EP300: variants seen among roughly 807,000 people sequenced by gnomAD.
EP300 encodes the protein EP300 lysine acetyltransferase.
EP300 carries 31 observed loss-of-function variants against 264.0 expected under a neutral mutation model. The observed-to-expected ratio is 0.12, with a 90% confidence interval of 0.09 to 0.16. The LOEUF is 0.16. Among genes scored for constraint, EP300 ranks in the 10% least tolerant of loss-of-function variants. The pLI, the probability that EP300 is intolerant of heterozygous loss-of-function variation, is 1.00. For synonymous variants in EP300, 1,340 were observed against 1,045.4 expected, an observed-to-expected ratio of 1.28 and a Z score of -5.44; for missense variants, 2,766 against 3,052.9, an observed-to-expected ratio of 0.91 and a Z score of 2.21.
chr22:41,114,402 G>T (rs1453006403), intron 1 of EP300, among the ~76,000 whole-genome samples: 1 of 152,122 alleles, frequency 6.6e-6, no homozygotes, highest in African/African-American at 2.4e-5. Context: ...AGGCTGGTCT[G>T]CTGAGCTCGA....
rs2059209629 is a variant in EP300 at position 41,177,655 on chromosome 22, C to T, written c.5944C>T (p.Pro1982Ser). ...CAGAGGTCCCAGTGGGCATTTGGAGCCAGGGATGGGACCGACAGGGATGCA... is the reference window on the plus strand; with the variant it reads ...CAGAGGTCCCAGTGGGCATTTGGAGTCAGGGATGGGACCGACAGGGATGCA... ...MTRGPSGHLE[P>S]GMGPTGMQQQ... Residue 1982 changes from proline to serine, a missense_variant, in exon 31 of 31, where the codon CCA becomes TCA. By Grantham distance (74) the Pro-to-Ser change is moderately conservative (BLOSUM62 -1). Transcript: ENST00000263253. 1 of 1,613,998 alleles carries T rather than the reference C, an allele frequency of 6.2e-7. No individual in the cohort carries two copies. The highest frequency in any genetic ancestry group is 2.2e-5 in the East Asian group (1 of 44,858).
At chr22:41,162,309 T>G (rs1467764955) in intron 20 of EP300, among the ~76,000 whole-genome samples, 15 of 152,214 alleles carry the variant, frequency 9.9e-5, no homozygotes, top group Non-Finnish European at 2.1e-4. Context: ...CCCCTAATGT[T>G]GATTCTAGTT....
chr22:41,162,851 C>T (rs1165264122), intron 21 of EP300, 72 bp downstream of exon 21: 1 of 1,245,344 alleles, frequency 8.0e-7, no homozygotes, highest in Non-Finnish European at 1.2e-6. Flanking sequence ...TTGAAGTTTG[C>T]ATGACCAATC....
intron 1 of EP300, among the ~76,000 whole-genome samples, chr22:41,099,433 A>G (rs1387845684): frequency 6.6e-6 from 1 of 152,222 alleles, no homozygotes; most frequent in Non-Finnish European, 1.5e-5. Flanking sequence ...AGTAGTGAAT[A>G]TAATTGTCAT....
intron 1 of EP300, among the ~76,000 whole-genome samples, chr22:41,108,909 G>C (rs2058773116): frequency 6.6e-6 from 1 of 152,168 alleles, no homozygotes; most frequent in South Asian, 2.1e-4. Context: ...AGATTTATAA[G>C]TTTTTAATTA....
At chr22:41,142,735 A>G (rs1409067055) in intron 10 of EP300, among the ~76,000 whole-genome samples, 1 of 152,054 alleles carries the variant, frequency 6.6e-6, no homozygotes, top group Non-Finnish European at 1.5e-5. Context: ...AATACAAAAC[A>G]ATTAGCCGGG....
At position 41,178,805 on chromosome 22, in the gene EP300, C is replaced by T. The variant is rs1288457396; in HGVS notation, c.7094C>T (p.Ala2365Val). The change falls in exon 31 of 31, where the codon GCC becomes GTC. Residue 2365 changes from alanine (A) to valine (V), a missense_variant. By Grantham distance (64) the Ala-to-Val change is moderately conservative (BLOSUM62 0). Coordinates refer to ENST00000263253, the MANE Select transcript of EP300 (RefSeq NM_001429.4). ...QANPMEQGHF[A>V]SPDQNSMLSQ... ...AACCCCATGGAACAAGGGCATTTTG[C>T]CAGCCCGGACCAGAATTCAATGCTT... 3 of 1,614,148 alleles carry T rather than the reference C, an allele frequency of 1.9e-6. No homozygotes were observed. Among genetic ancestry groups the T allele is most frequent in the Non-Finnish European group, 2.5e-6 (3 of 1,180,030 alleles).
At chr22:41,146,514 G>A (rs1361872511) in intron 10 of EP300, 4 of 552,100 alleles carry the variant, frequency 7.2e-6, no homozygotes, top group East Asian at 3.2e-5. Flanking sequence ...GAAAGCACCC[G>A]GGCTCATAAA....
intron 17 of EP300, among the ~76,000 whole-genome samples, chr22:41,155,748 C>T (rs768280982): frequency 6.6e-5 from 10 of 152,158 alleles, no homozygotes; most frequent in African/African-American, 2.4e-4. Flanking sequence ...TGTGCCAGGA[C>T]GTTCCTTAGC....
At chr22:41,174,978 T>C (rs2059191958) in intron 29 of EP300, among the ~76,000 whole-genome samples, 1 of 150,930 alleles carries the variant, frequency 6.6e-6, no homozygotes, top group Non-Finnish European at 1.5e-5. Flanking sequence ...CCTAGAATAA[T>C]GGGCTACGAT....
chr22:41,155,315 A>C (rs1325346667), intron 17 of EP300, among the ~76,000 whole-genome samples: 1 of 150,866 alleles, frequency 6.6e-6, no homozygotes, highest in East Asian at 1.9e-4. Context: ...TACTGTCTCC[A>C]CCTCCCGGGC....
In EP300 at chr22:41,177,669, G is replaced by C. The variant is rs147863486; in HGVS notation, c.5958G>C (p.Pro1986=). 1.2e-6 allele frequency: 2 copies of C among 1,613,902 alleles called. No homozygotes were observed. The highest frequency in any genetic ancestry group is 1.7e-6 in the Non-Finnish European group (2 of 1,180,034). Residue 1986 remains proline, a synonymous_variant, in exon 31 of 31, where the codon CCG becomes CCC. Transcript: ENST00000263253. ...GGCATTTGGAGCCAGGGATGGGACC[G>C]ACAGGGATGCAGCAACAGCCACCCT... is the stretch of plus-strand genomic sequence containing the variant. The part of the protein sequence containing the change: ...PSGHLEPGMG[P]TGMQQQPPWS...
intron 2 of EP300, among the ~76,000 whole-genome samples, chr22:41,122,456 G>A (rs117072685): frequency 0.024 from 3,583 of 152,084 alleles, 59 homozygotes; most frequent in Non-Finnish European, 0.036. Flanking sequence ...GTGAGCCACC[G>A]TGCCCGACCA....
At chr22:41,174,363 A>C (rs1390231770) in intron 29 of EP300, among the ~76,000 whole-genome samples, 1 of 152,188 alleles carries the variant, frequency 6.6e-6, no homozygotes, top group African/African-American at 2.4e-5. Context: ...TGGGAGGCAG[A>C]GGTTGCAGTG....
chr22:41,137,820 G>A lies in EP300; in HGVS notation c.1760+30G>A, dbSNP rs181360160. On this transcript the variant is annotated intron_variant, in intron 8 of 30. Coordinates refer to ENST00000263253, the MANE Select transcript of EP300 (RefSeq NM_001429.4). Reference sequence around the variant, plus strand: ...GTAAGATTGTGGACACGTCTCATTCGTAAAGAGATGTTACGTCAACATGTT... The same window carrying A: ...GTAAGATTGTGGACACGTCTCATTCATAAAGAGATGTTACGTCAACATGTT... The A allele has an allele frequency of 2.5e-5, 41 of 1,613,834 alleles. 1 individual carries two copies. The highest frequency in any genetic ancestry group is 1.7e-4 in the Admixed American group (10 of 60,018).
chr22:41,154,376 CTTT>C (rs869304891), intron 16 of EP300, among the ~76,000 whole-genome samples: 26 of 61,792 alleles, frequency 4.2e-4, no homozygotes, highest in Admixed American at 2.4e-3. Context: ...CTTGTGCACT[CTTT>C]TTTTTTTTTT....
At chr22:41,124,995 T>C (rs1162895281) in intron 2 of EP300, among the ~76,000 whole-genome samples, 1 of 151,684 alleles carries the variant, frequency 6.6e-6, no homozygotes, top group African/African-American at 2.4e-5. Context: ...TGGAGTGCAG[T>C]GGCCTGATCA....
chr22:41,157,357 A>G lies in EP300; in HGVS notation c.3450A>G (p.Glu1150=), dbSNP rs2059083016. ...GCTCCAAGCTCTCTGAGGTCTTTGA[A>G]CAAGAAATTGACCCAGTGATGCAAA... is the stretch of plus-strand genomic sequence containing the variant. The part of the protein sequence containing the change: ...KYCSKLSEVF[E]QEIDPVMQSL... Residue 1150 remains glutamate, a synonymous_variant, in exon 18 of 31, where the codon GAA becomes GAG. Coordinates refer to ENST00000263253, the MANE Select transcript of EP300 (RefSeq NM_001429.4). 1 of 1,614,134 alleles carries G rather than the reference A, an allele frequency of 6.2e-7. No homozygotes were observed. The highest frequency in any genetic ancestry group is 8.5e-7 in the Non-Finnish European group (1 of 1,180,018).
rs372133519 is a variant in EP300, at chr22:41,151,929, C to G, written c.2914C>G (p.Pro972Ala). 18 of 1,613,942 alleles carry G rather than the reference C, an allele frequency of 1.1e-5. No individual in the cohort carries two copies. Among genetic ancestry groups the G allele is most frequent in the Admixed American group, 1.7e-5 (1 of 59,988 alleles). Residue 972 changes from proline (P) to alanine (A), a missense_variant, in exon 15 of 31, where the codon CCT becomes GCT. Coordinates refer to ENST00000263253, the MANE Select transcript of EP300 (RefSeq NM_001429.4). Reference sequence around the variant, plus strand: ...TTCTCAGGCCATTGCTGAGAAGCAGCCTTCCCAGGAAGTGAAGATGGAGGC... The same window carrying G: ...TTCTCAGGCCATTGCTGAGAAGCAGGCTTCCCAGGAAGTGAAGATGGAGGC... Reference protein sequence around the residue: ...VNSQAIAEKQPSQEVKMEAKM... With the variant: ...VNSQAIAEKQASQEVKMEAKM...
Sources: gnomAD v4.1 joint callset for allele counts (sites outside exome capture counted in the v4.1 genomes callset) on GRCh38, gnomAD v4.1.1 for gene constraint, MANE v1.5 for transcripts, NCBI Gene and HGNC (gene_info 2026-07-23, HGNC 2026-07-21) for gene names.